Variants in TLDC2 observed in about 807,000 individuals in gnomAD.
The protein encoded by TLDC2 is TLD domain-containing protein 2.
Under a neutral mutation model 27.9 loss-of-function variants are expected in TLDC2, and 23 were observed. That is an observed-to-expected ratio of 0.82 (90% CI 0.59 to 1.17). The LOEUF (loss-of-function observed/expected upper bound fraction) is 1.17. Ranked by LOEUF, TLDC2 falls within the 50% of genes most tolerant of loss-of-function variation. The pLI is 0.00. For missense variants in TLDC2, 286 were observed against 273.4 expected, an observed-to-expected ratio of 1.05 and a Z score of -0.32; for synonymous variants, 124 against 107.4, an observed-to-expected ratio of 1.16 and a Z score of -0.96.
chr20:36,893,697 T>A lies in TLDC2; in HGVS notation c.*853T>A, dbSNP rs771514509. 5.1e-6 allele frequency: 2 copies of A among 391,354 alleles called. No individual in the cohort carries two copies. Among genetic ancestry groups the A allele is most frequent in the Non-Finnish European group, 9.0e-6 (2 of 222,310 alleles). 24.2% of individuals were successfully genotyped at this position (391,354 alleles called of 1,614,324 possible). On this transcript the variant is annotated 3_prime_UTR_variant, in exon 7 of 7. Transcript: ENST00000217320. ...AAACTGTTCTGAACTTGTGGGTAGATCTTCTTTGGTTACAAGATGATGCAC... is the reference window on the plus strand; with the variant it reads ...AAACTGTTCTGAACTTGTGGGTAGAACTTCTTTGGTTACAAGATGATGCAC...
chr20:36,881,938 T>C (rs1453049669), intron 4 of TLDC2, among the ~76,000 whole-genome samples: 3 of 152,100 alleles, frequency 2.0e-5, no homozygotes, highest in South Asian at 2.1e-4. Flanking sequence ...GATGTGAACA[T>C]GGAAGACAGC....
rs1989662840 is a variant in TLDC2 at position 36,876,196 on chromosome 20, T to A, written c.22T>A (p.Tyr8Asn). The change falls in exon 1 of 7, where the codon TAC (tyrosine) becomes AAC (asparagine). Residue 8 changes from tyrosine (Y) to asparagine (N), a missense_variant. By Grantham distance (143) the Tyr-to-Asn change is moderately radical (BLOSUM62 -2). Coordinates refer to ENST00000217320, the MANE Select transcript of TLDC2 (RefSeq NM_080628.3). The part of the protein sequence containing the change: MRGLRWR[Y>N]TRLPSQVEDT... Reference sequence around the variant, plus strand: ...GAGAATGAGAGGCCTCCGCTGGCGTTACACTCGGCTGGTAAGGGTTCCAAC... The same window carrying A: ...GAGAATGAGAGGCCTCCGCTGGCGTAACACTCGGCTGGTAAGGGTTCCAAC... The A allele has an allele frequency of 1.2e-6, 2 of 1,614,166 alleles. No homozygotes were observed. Among genetic ancestry groups the A allele is most frequent in the African/African-American group, 2.7e-5 (2 of 75,060 alleles).
chr20:36,892,979 C>T lies in TLDC2; in HGVS notation c.*135C>T. 1 of 1,613,968 alleles carries T rather than the reference C, an allele frequency of 6.2e-7. No homozygotes were observed. Among genetic ancestry groups the T allele is most frequent in the African/African-American group, 1.3e-5 (1 of 74,976 alleles). On this transcript the variant is annotated 3_prime_UTR_variant, in exon 7 of 7. Coordinates refer to ENST00000217320, the MANE Select transcript of TLDC2 (RefSeq NM_080628.3). ...AGCTGGACTCTGCTTTTGGATGCTTCTCGGAGGCGAGTTGGATTTTGGACT... is the reference window on the plus strand; with the variant it reads ...AGCTGGACTCTGCTTTTGGATGCTTTTCGGAGGCGAGTTGGATTTTGGACT...
At chr20:36,880,070 C>CATATATATGTGTGTGTAT (rs1989767126) in intron 3 of TLDC2, among the ~76,000 whole-genome samples, 1 of 73,054 alleles carries the variant, frequency 1.4e-5, no homozygotes, top group Non-Finnish European at 2.7e-5. Flanking sequence ...TATATATATA[C>CATATATATGTGTGTGTAT]ATATATATAT....
At position 36,878,007 on chromosome 20, in the gene TLDC2, C is replaced by T; in HGVS notation, c.142C>T (p.Gln48Ter). ...TGCTCCTGAGGATCCCACGGTGCCC[C>T]AGCTGACAGAAGCCAGCCAGGTTTT... ...AAAPEDPTVP[Q>*]LTEASQVLSA... The change falls in exon 2 of 7, where the codon CAG (glutamine) becomes TAG (stop). Residue 48 changes from glutamine (Q) to a stop codon, truncating the protein, a stop_gained. Transcript: ENST00000217320. LOFTEE classifies it high-confidence loss of function. 6.2e-7 allele frequency: 1 copy of T among 1,614,112 alleles called. No individual in the cohort carries two copies. The highest frequency in any genetic ancestry group is 8.5e-7 in the Non-Finnish European group (1 of 1,179,996).
intron 5 of TLDC2, 47 bp downstream of exon 5, chr20:36,887,575 T>C: frequency 6.4e-7 from 1 of 1,556,696 alleles, no homozygotes; most frequent in Non-Finnish European, 8.9e-7. Flanking sequence ...TGTGTTCTGG[T>C]CCCTTTCCCT....
chr20:36,886,139 G>GT (rs1401182349), intron 4 of TLDC2, among the ~76,000 whole-genome samples: 3 of 152,084 alleles, frequency 2.0e-5, no homozygotes, highest in Non-Finnish European at 2.9e-5. Flanking sequence ...TTTTTTTGTT[G>GT]TTTTTTAGAG....
chr20:36,876,161 G>A lies in TLDC2; in HGVS notation c.-14G>A, dbSNP rs572731859. 9.6e-5 allele frequency: 155 copies of A among 1,614,164 alleles called. 1 individual carries two copies. The South Asian group carries it at 1.3e-3, about 13-fold the overall frequency. ...TCACTCACTGCCCACGGCCGGCTGAGCAGGGACAGGAGAATGAGAGGCCTC... is the reference window on the plus strand; with the variant it reads ...TCACTCACTGCCCACGGCCGGCTGAACAGGGACAGGAGAATGAGAGGCCTC... On this transcript the variant is annotated 5_prime_UTR_variant, in exon 1 of 7. Coordinates refer to ENST00000217320, the MANE Select transcript of TLDC2 (RefSeq NM_080628.3).
intron 6 of TLDC2, chr20:36,892,567 G>C (rs1466390431): frequency 3.4e-6 from 1 of 294,126 alleles, no homozygotes; most frequent in East Asian, 9.1e-5. Flanking sequence ...GAGGCAGGAG[G>C]GTCGCTTGAG....
At chr20:36,880,862 C>T in intron 4 of TLDC2, 112 bp downstream of exon 4, 3 of 939,748 alleles carry the variant, frequency 3.2e-6, no homozygotes, top group South Asian at 2.9e-5. Flanking sequence ...GGTGTGCCAC[C>T]ATCTTCCCAC....
At position 36,879,069 on chromosome 20, in the gene TLDC2, C is replaced by T. The variant is rs199540085; in HGVS notation, c.218C>T (p.Thr73Ile). The change falls in exon 3 of 7, where the codon ACC (threonine) becomes ATC (isoleucine). Residue 73 changes from threonine (T) to isoleucine (I), a missense_variant. By Grantham distance (89) the Thr-to-Ile change is moderately conservative. Coordinates refer to ENST00000217320, the MANE Select transcript of TLDC2 (RefSeq NM_080628.3). ...AGCTTTCACTTCCCACCAAGAGTCA[C>T]CGGCCATCCCTGGAGTCTGGTCTTC... ...QLSFHFPPRVTGHPWSLVFCT... is the reference protein window; with the variant it reads ...QLSFHFPPRVIGHPWSLVFCT... The T allele has an allele frequency of 1.5e-4, 241 of 1,614,112 alleles. No homozygotes were observed. The highest frequency in any genetic ancestry group is 2.0e-4 in the Non-Finnish European group (233 of 1,180,040).
At position 36,887,545 on chromosome 20, in the gene TLDC2, T is replaced by C. The variant is rs1555829694; in HGVS notation, c.512+17T>C. ...CAGTGGCAGGTGAGTGTCTCAGTCT[T>C]CCCGAGTCTTGGGGCGGTCTGTGTT... On this transcript the variant is annotated intron_variant, in intron 5 of 6. Coordinates refer to ENST00000217320, the MANE Select transcript of TLDC2 (RefSeq NM_080628.3). The C allele has an allele frequency of 1.8e-5, 29 of 1,611,910 alleles. No individual in the cohort carries two copies. Among genetic ancestry groups the C allele is most frequent in the Non-Finnish European group, 2.1e-5 (25 of 1,177,988 alleles).
intron 4 of TLDC2, among the ~76,000 whole-genome samples, chr20:36,885,830 T>C (rs1184643208): frequency 1.3e-5 from 2 of 152,154 alleles, no homozygotes; most frequent in East Asian, 3.8e-4. Context: ...ACACGGAACT[T>C]AACGTCCTTA....
rs200575225 is a variant in TLDC2, at chr20:36,889,252, G to A, written c.514G>A (p.Gly172Ser). 1,577 of 1,614,068 alleles carry A rather than the reference G, an allele frequency of 9.8e-4. 34 individuals are homozygous for A. The South Asian group carries it at 0.017, about 17-fold the overall frequency. Residue 172 changes from glycine to serine, a missense_variant and splice_region_variant, in exon 6 of 7, where the codon GGC becomes AGC. Coordinates refer to ENST00000217320, the MANE Select transcript of TLDC2 (RefSeq NM_080628.3). ...LDSLMMGSGS[G>S]RFGLWLDGDL... is the part of the protein sequence containing the mutation. ...CCAAGACTGTCCTCTTCTCTCTAGTGGCCGGTTTGGGCTGTGGTTGGATGG... is the reference window on the plus strand; with the variant it reads ...CCAAGACTGTCCTCTTCTCTCTAGTAGCCGGTTTGGGCTGTGGTTGGATGG...
Position 36,893,249 on chromosome 20 carries a change from A to G in TLDC2, c.*405A>G. 2.9e-6 allele frequency: 2 copies of G among 683,628 alleles called. No homozygotes were observed. The highest frequency in any genetic ancestry group is 3.7e-5 in the South Asian group (2 of 54,716). The allele number at this position is 683,628 out of a possible 1,614,324, so 42.3% of individuals were successfully genotyped here. On this transcript the variant is annotated 3_prime_UTR_variant, in exon 7 of 7. Transcript: ENST00000217320. ...GCTTGGGGCAAATTAGAAACACTACAGTCTTACGCAGGAAGAGCCTTCATG... is the reference window on the plus strand; with the variant it reads ...GCTTGGGGCAAATTAGAAACACTACGGTCTTACGCAGGAAGAGCCTTCATG...
chr20:36,880,089 A>ATATG (rs1416493249), intron 3 of TLDC2, among the ~76,000 whole-genome samples: 2 of 40,202 alleles, frequency 5.0e-5, no homozygotes, highest in African/African-American at 1.2e-4. Context: ...ATATATATAT[A>ATATG]TATATATATA....
At chr20:36,885,230 T>C (rs1989897013) in intron 4 of TLDC2, among the ~76,000 whole-genome samples, 1 of 152,152 alleles carries the variant, frequency 6.6e-6, no homozygotes, top group Non-Finnish European at 1.5e-5. Flanking sequence ...AGTCAGTCCG[T>C]TGAGGCAGAG....
intron 6 of TLDC2, 182 bp downstream of exon 6, chr20:36,889,585 A>G: frequency 1.6e-6 from 1 of 635,304 alleles, no homozygotes; most frequent in Non-Finnish European, 2.6e-6. Flanking sequence ...GTGACTTTGA[A>G]GGATTAAAAG....
At chr20:36,883,659 C>T (rs938046452) in intron 4 of TLDC2, among the ~76,000 whole-genome samples, 6 of 152,172 alleles carry the variant, frequency 3.9e-5, no homozygotes, top group East Asian at 1.9e-4. Context: ...TGTCTATATT[C>T]GGGATCCACC....
Sources: gnomAD v4.1 joint callset for allele counts (sites outside exome capture counted in the v4.1 genomes callset) on GRCh38, gnomAD v4.1.1 for gene constraint, MANE v1.5 for transcripts, NCBI Gene and HGNC (gene_info 2026-07-23, HGNC 2026-07-21) for gene names.